KCNIP4: variants seen among roughly 807,000 people sequenced by gnomAD.
KCNIP4 encodes potassium voltage-gated channel interacting protein 4.
Under a neutral mutation model 34.0 loss-of-function variants are expected in KCNIP4, and 12 were observed. The observed-to-expected ratio is 0.35, with a 90% CI of 0.23 to 0.57. The LOEUF (loss-of-function observed/expected upper bound fraction) is 0.57. Among genes scored for constraint, KCNIP4 ranks in the 20% least tolerant of loss-of-function variants. The pLI is 0.83. For missense variants in KCNIP4, 238 were observed against 311.7 expected, an observed-to-expected ratio of 0.76 and a Z score of 1.78; for synonymous variants, 124 against 102.2, an observed-to-expected ratio of 1.21 and a Z score of -1.29.
intron 1 of KCNIP4, among the ~76,000 whole-genome samples, chr4:20,965,403 T>C (rs1344528554): frequency 6.6e-6 from 1 of 152,180 alleles, no homozygotes; most frequent in Non-Finnish European, 1.5e-5. Flanking sequence ...AAATGGGTTT[T>C]CTAAGAGGAG....
At chr4:21,480,708 A>G (rs577575323) in intron 1 of KCNIP4, among the ~76,000 whole-genome samples, 7 of 152,220 alleles carry the variant, frequency 4.6e-5, no homozygotes, top group Non-Finnish European at 5.9e-5. Flanking sequence ...CACATAGAAT[A>G]TGTCTAGTTA....
intron 1 of KCNIP4, among the ~76,000 whole-genome samples, chr4:21,199,820 A>G (rs1372977124): frequency 6.6e-6 from 1 of 151,992 alleles, no homozygotes; most frequent in African/African-American, 2.4e-5. Flanking sequence ...GACTGGATTA[A>G]GAAAATGTGG....
At chr4:21,755,532 T>A (rs992179715) in intron 1 of KCNIP4, among the ~76,000 whole-genome samples, 16 of 152,220 alleles carry the variant, frequency 1.1e-4, no homozygotes, top group African/African-American at 3.4e-4. Flanking sequence ...GGAACAATGG[T>A]CCCTAATCCC....
At chr4:21,239,207 C>G (rs1035899366) in intron 1 of KCNIP4, among the ~76,000 whole-genome samples, 8 of 149,182 alleles carry the variant, frequency 5.4e-5, no homozygotes, top group African/African-American at 1.7e-4. Context: ...TTCCTTACAC[C>G]TTATACAAAA....
intron 1 of KCNIP4, among the ~76,000 whole-genome samples, chr4:21,486,456 T>TTATC (rs1369553863): frequency 6.6e-6 from 1 of 152,144 alleles, no homozygotes; most frequent in Non-Finnish European, 1.5e-5. Context: ...TTTTGGTGTA[T>TTATC]TATCTATCTC....
At chr4:21,243,431 A>C (rs1430187107) in intron 1 of KCNIP4, among the ~76,000 whole-genome samples, 2 of 152,208 alleles carry the variant, frequency 1.3e-5, no homozygotes, top group African/African-American at 2.4e-5. Flanking sequence ...ATGGCATTGT[A>C]CATAAAGTTT....
chr4:20,802,066 A>G (rs949226603), intron 3 of KCNIP4, among the ~76,000 whole-genome samples: 2 of 149,876 alleles, frequency 1.3e-5, no homozygotes, highest in South Asian at 2.1e-4. Flanking sequence ...TGGTCTGACA[A>G]TCAAGAAGAC....
At chr4:20,920,503 G>A (rs1157121945) in intron 1 of KCNIP4, among the ~76,000 whole-genome samples, 1 of 152,140 alleles carries the variant, frequency 6.6e-6, no homozygotes, top group Non-Finnish European at 1.5e-5. Flanking sequence ...ATCATGAAAA[G>A]GAATATTGTG....
chr4:21,515,991 C>A (rs1438491125), intron 1 of KCNIP4, among the ~76,000 whole-genome samples: 2 of 152,070 alleles, frequency 1.3e-5, no homozygotes, highest in Non-Finnish European at 2.9e-5. Flanking sequence ...TTGTGTTCAC[C>A]AGCGTGTTAT....
At chr4:21,092,194 G>C (rs550144098) in intron 1 of KCNIP4, among the ~76,000 whole-genome samples, 7 of 151,970 alleles carry the variant, frequency 4.6e-5, no homozygotes, top group Non-Finnish European at 8.8e-5. Context: ...CCTTAAAGAT[G>C]CTTCCAAGAA....
chr4:21,725,500 T>C (rs1715132151), intron 1 of KCNIP4, among the ~76,000 whole-genome samples: 1 of 152,164 alleles, frequency 6.6e-6, no homozygotes, highest in Non-Finnish European at 1.5e-5. Context: ...ACAATTGCTA[T>C]CTATGATGCA....
intron 1 of KCNIP4, among the ~76,000 whole-genome samples, chr4:21,633,938 C>G (rs1342520928): frequency 6.6e-6 from 1 of 151,968 alleles, no homozygotes; most frequent in Non-Finnish European, 1.5e-5. Context: ...TACTTACATT[C>G]TCATATCTGC....
chr4:21,159,646 G>A (rs1753430009), intron 1 of KCNIP4, among the ~76,000 whole-genome samples: 1 of 25,180 alleles, frequency 4.0e-5, no homozygotes, highest in Non-Finnish European at 7.5e-5. Flanking sequence ...GGTGACGGAC[G>A]CACCTGGAAA....
At chr4:21,314,558 AT>A (rs534802057) in intron 1 of KCNIP4, among the ~76,000 whole-genome samples, 5 of 151,544 alleles carry the variant, frequency 3.3e-5, no homozygotes, top group Admixed American at 6.6e-5. Context: ...GCTGAAGGAT[AT>A]TTTTTTTTAT....
chr4:21,669,532 C>T (rs1749304107), intron 1 of KCNIP4, among the ~76,000 whole-genome samples: 1 of 152,312 alleles, frequency 6.6e-6, no homozygotes, highest in Admixed American at 6.5e-5. Flanking sequence ...CAACAGCAGA[C>T]AACCAGTAGT....
chr4:21,521,129 A>G (rs1466834519), intron 1 of KCNIP4, among the ~76,000 whole-genome samples: 1 of 152,148 alleles, frequency 6.6e-6, no homozygotes, highest in African/African-American at 2.4e-5. Context: ...CTCCTTCCAC[A>G]GGGCAGCATC....
intron 1 of KCNIP4, among the ~76,000 whole-genome samples, chr4:21,626,684 T>C (rs61242047): frequency 0.01 from 1,579 of 152,208 alleles, 28 homozygotes; most frequent in African/African-American, 0.037. Flanking sequence ...TACCAAGCTG[T>C]GTAGACAACC....
At chr4:21,309,313 GTT>G (rs1712861498) in intron 1 of KCNIP4, among the ~76,000 whole-genome samples, 4 of 152,060 alleles carry the variant, frequency 2.6e-5, no homozygotes, top group Admixed American at 1.3e-4. Flanking sequence ...GTTTCTGATT[GTT>G]CATCTTTCAT....
At chr4:21,683,086 A>G (rs959066753) in intron 1 of KCNIP4, among the ~76,000 whole-genome samples, 1 of 152,206 alleles carries the variant, frequency 6.6e-6, no homozygotes, top group Non-Finnish European at 1.5e-5. Context: ...AAAGCAAAGA[A>G]CAATACGATG....
Sources: gnomAD v4.1 joint callset for allele counts (sites outside exome capture counted in the v4.1 genomes callset) on GRCh38, gnomAD v4.1.1 for gene constraint, MANE v1.5 for transcripts, NCBI Gene and HGNC (gene_info 2026-07-23, HGNC 2026-07-21) for gene names.